Variants in MMACHC observed in about 807,000 individuals in gnomAD.
MMACHC encodes cyanocobalamin reductase / alkylcobalamin dealkylase.
In MMACHC, 14 loss-of-function variants were observed where a neutral mutation model predicts 17.6. The observed-to-expected ratio is 0.80, with a 90% CI of 0.53 to 1.25. The LOEUF (loss-of-function observed/expected upper bound fraction) is 1.25, where lower values mean the gene tolerates loss of function less well. Among genes scored for constraint, MMACHC ranks in the 50% most tolerant of loss-of-function variants. MMACHC has a pLI of 0.00. For synonymous variants in MMACHC, 151 were observed against 142.1 expected (o/e 1.06, Z -0.45); for missense variants, 392 against 364.5 (o/e 1.08, Z -0.62).
In MMACHC at chr1:45,509,396, TCCCA is replaced by T; in HGVS notation, c.*182_*185del. ...AAGATAAAGGCCAGGGAACCAGAAT[TCCCA>T]TCTGCCTTCAAATGAGTTTTTTTTT... On this transcript the variant is annotated 3_prime_UTR_variant, in exon 4 of 4. Transcript: ENST00000401061. The T allele has an allele frequency of 1.6e-6, 1 of 629,250 alleles. No homozygotes were observed. Among genetic ancestry groups the T allele is most frequent in the Non-Finnish European group, 2.6e-6 (1 of 378,760 alleles). The allele number at this position is 629,250 out of a possible 1,614,324, so 39.0% of individuals were successfully genotyped here.
In MMACHC at chr1:45,513,207, T is replaced by TA. The variant is rs2149326676; in HGVS notation, c.*3998dup. ...AACCTCTTCTCTCAATAAAGTTATT[T>TA]AAAAAATGGCATGCTTTATCTCTAG... On this transcript the variant is annotated 3_prime_UTR_variant, in exon 4 of 4. Transcript: ENST00000401061. The TA allele has an allele frequency of 6.6e-6, 1 of 152,308 alleles. No homozygotes were observed. Among genetic ancestry groups the TA allele is most frequent in the East Asian group, 1.9e-4 (1 of 5,180 alleles). The allele number at this position is 152,308 out of a possible 1,614,324, so 9.4% of individuals were successfully genotyped here.
At chr1:45,504,912 G>A (rs921456443) in intron 1 of MMACHC, among the ~76,000 whole-genome samples, 5 of 151,704 alleles carry the variant, frequency 3.3e-5, no homozygotes, top group African/African-American at 1.2e-4. Flanking sequence ...CCAGGTGTTC[G>A]AGACCAGCCT....
In MMACHC at chr1:45,500,377, G is replaced by A. The variant is rs750623781; in HGVS notation, c.45G>A (p.Thr15=). 9 of 1,614,190 alleles carry A rather than the reference G, an allele frequency of 5.6e-6. No homozygotes were observed. The highest frequency in any genetic ancestry group is 2.2e-5 in the South Asian group (2 of 91,088). Residue 15 remains threonine (T), a synonymous_variant, in exon 1 of 4, where the codon ACG becomes ACA. Coordinates refer to ENST00000401061, the MANE Select transcript of MMACHC (RefSeq NM_015506.3). ...AGCTGAAGCAGAAGATCGAGGACAC[G>A]CTATGTCCTTTTGGCTTCGAGGTTT... ...VAELKQKIED[T]LCPFGFEVYP...
chr1:45,505,865 G>C (rs1643612457), intron 1 of MMACHC, among the ~76,000 whole-genome samples: 1 of 149,542 alleles, frequency 6.7e-6, no homozygotes, highest in East Asian at 2.0e-4. Context: ...TCACGCCACT[G>C]CACTCTAACC....
Position 45,508,907 on chromosome 1 carries a change from G to GACT in MMACHC, c.542_544dup (p.Asp181_Cys182insTyr). ...AGATCTGCCACCCAGAAAACCTCAT[G>GACT]ACTGTGTACCTACAAGAGCTGACCG... On this transcript the variant is annotated inframe_insertion, in exon 4 of 4. Transcript: ENST00000401061. 1 of 1,614,194 alleles carries GACT rather than the reference G, an allele frequency of 6.2e-7. No homozygotes were observed. Among genetic ancestry groups the GACT allele is most frequent in the Non-Finnish European group, 8.5e-7 (1 of 1,180,030 alleles).
At chr1:45,506,132 A>G (rs1230833509) in intron 1 of MMACHC, among the ~76,000 whole-genome samples, 2 of 152,148 alleles carry the variant, frequency 1.3e-5, no homozygotes, top group Non-Finnish European at 2.9e-5. Flanking sequence ...GCTGGTTGGG[A>G]AGAGACTGGT....
rs1643713014 is a variant in MMACHC at position 45,510,079 on chromosome 1, A to G, written c.*864A>G. The stretch of plus-strand genomic sequence containing the variant: ...GTGACAGTGTGAGACTCTGTCTCAA[A>G]AAAAAAAAAAAAAGTACCTACCTCA... On this transcript the variant is annotated 3_prime_UTR_variant, in exon 4 of 4. Coordinates refer to ENST00000401061, the MANE Select transcript of MMACHC (RefSeq NM_015506.3). 6.6e-6 allele frequency: 1 copy of G among 150,924 alleles called. No homozygotes were observed. The highest frequency in any genetic ancestry group is 2.4e-5 in the African/African-American group (1 of 41,108). The allele number at this position is 150,924 out of a possible 1,614,324, so 9.3% of individuals were successfully genotyped here. A position where few individuals can be genotyped will look rare whatever the true frequency, so the allele number is the denominator to read the frequency against.
In MMACHC at chr1:45,511,315, A is replaced by T. The variant is rs150550487; in HGVS notation, c.*2100A>T. 6.3e-7 allele frequency: 1 copy of T among 1,597,332 alleles called. No individual in the cohort carries two copies. Among genetic ancestry groups the T allele is most frequent in the East Asian group, 2.3e-5 (1 of 44,334 alleles). On this transcript the variant is annotated 3_prime_UTR_variant, in exon 4 of 4. Coordinates refer to ENST00000401061, the MANE Select transcript of MMACHC (RefSeq NM_015506.3). The stretch of plus-strand genomic sequence containing the variant: ...GGCTGCCCACCGCAGCCTGGCACTA[A>T]AACAGCCCAGCGCTCACTTCTGCTT...
In MMACHC at chr1:45,508,824, G is replaced by A. The variant is rs200276195; in HGVS notation, c.458G>A (p.Arg153Gln). Residue 153 changes from arginine (R) to glutamine (Q), a missense_variant, in exon 4 of 4, where the codon CGA (arginine) becomes CAA (glutamine). Physicochemically the swap from Arg to Gln is conservative, Grantham distance 43. Transcript: ENST00000401061. ...ATATCAGGTGTGTGCATACACCCCC[G>A]ATTTGGGGGCTGGTTTGCCATCCGA... ...QRISGVCIHPRFGGWFAIRGV... is the reference protein window; with the variant it reads ...QRISGVCIHPQFGGWFAIRGV... 124 of 1,614,098 alleles carry A rather than the reference G, an allele frequency of 7.7e-5. 2 individuals carry two copies. The East Asian group carries it at 2.3e-3, about 30-fold the overall frequency.
chr1:45,511,330 C>T lies in MMACHC; in HGVS notation c.*2115C>T. ...CCTGGCACTAAAACAGCCCAGCGCT[C>T]ACTTCTGCTTGGAGAAATATTCTTT... On this transcript the variant is annotated 3_prime_UTR_variant, in exon 4 of 4. Transcript: ENST00000401061. 5 of 1,609,438 alleles carry T rather than the reference C, an allele frequency of 3.1e-6. No homozygotes were observed. The highest frequency in any genetic ancestry group is 4.2e-6 in the Non-Finnish European group (5 of 1,177,616).
chr1:45,505,053 T>C (rs777755195), intron 1 of MMACHC, among the ~76,000 whole-genome samples: 4 of 147,058 alleles, frequency 2.7e-5, no homozygotes, highest in Non-Finnish European at 5.9e-5. Context: ...GAGGCAGAGG[T>C]TGCAGTGAGC....
Position 45,508,361 on chromosome 1 carries a change from C to T in MMACHC, c.426C>T (p.Asn142=). 1.2e-6 allele frequency: 2 copies of T among 1,614,116 alleles called. No individual in the cohort carries two copies. The highest frequency in any genetic ancestry group is 1.1e-5 in the South Asian group (1 of 91,074). Residue 142 remains asparagine, a synonymous_variant, in exon 3 of 4, where the codon AAC becomes AAT. Transcript: ENST00000401061. ...ATGTGGAGGCTGACCCATGGGGGAA[C>T]CAGGTGAGAGGGAAAATGTAAATAG... ...RQDVEADPWG[N]QRISGVCIHP...
Position 45,500,330 on chromosome 1 carries a change from G to T in MMACHC, c.-3G>T. On this transcript the variant is annotated 5_prime_UTR_variant, in exon 1 of 4. Transcript: ENST00000401061. ...CCAGCAAGCTCAGCGTGTAACGTGC[G>T]CTATGGAGCCGAAAGTCGCAGAGCT... 1 of 1,614,048 alleles carries T rather than the reference G, an allele frequency of 6.2e-7. No individual in the cohort carries two copies. The highest frequency in any genetic ancestry group is 1.1e-5 in the South Asian group (1 of 91,070).
rs886083061 is a variant in MMACHC at position 45,510,205 on chromosome 1, A to G, written c.*990A>G. ...TTACCAAAGGCCCTGGGAATTCTGT[A>G]CTGCTGCTCATGGGTGTAGTCGGTT... On this transcript the variant is annotated 3_prime_UTR_variant, in exon 4 of 4. Coordinates refer to ENST00000401061, the MANE Select transcript of MMACHC (RefSeq NM_015506.3). 6.6e-6 allele frequency: 1 copy of G among 152,220 alleles called. No homozygotes were observed. The highest frequency in any genetic ancestry group is 2.1e-4 in the South Asian group (1 of 4,828). The allele number at this position is 152,220 out of a possible 1,614,324, so 9.4% of individuals were successfully genotyped here.
chr1:45,503,095 T>C (rs1643570111), intron 1 of MMACHC, among the ~76,000 whole-genome samples: 1 of 152,166 alleles, frequency 6.6e-6, no homozygotes, highest in Admixed American at 6.6e-5. Context: ...TTCTTAGTGG[T>C]TCTGCCTATT....
intron 1 of MMACHC, among the ~76,000 whole-genome samples, chr1:45,504,815 A>C (rs914425804): frequency 1.3e-5 from 2 of 152,208 alleles, no homozygotes; most frequent in African/African-American, 4.8e-5. Flanking sequence ...TCATTAACTG[A>C]TAAAAATGGT....
chr1:45,507,563 C>A lies in MMACHC; in HGVS notation c.276+13C>A. 6.2e-7 allele frequency: 1 copy of A among 1,613,968 alleles called. No individual in the cohort carries two copies. The highest frequency in any genetic ancestry group is 8.5e-7 in the Non-Finnish European group (1 of 1,179,898). ...CCGTGTTAGAGAGGTGAGGAAGGCT[C>A]AGTTTTCCCCCAGCTCCCAAACCTA... is the stretch of plus-strand genomic sequence containing the variant. On this transcript the variant is annotated intron_variant, in intron 2 of 3. Transcript: ENST00000401061.
chr1:45,508,866 C>T lies in MMACHC; in HGVS notation c.500C>T (p.Pro167Leu), dbSNP rs942114005. Residue 167 changes from proline (P) to leucine (L), a missense_variant, in exon 4 of 4, where the codon CCA (proline) becomes CTA (leucine). Physicochemically the swap from Pro to Leu is moderately conservative, Grantham distance 98. Transcript: ENST00000401061. ...WFAIRGVVLL[P>L]GIEVPDLPPR... ...GCCATCCGAGGGGTAGTGCTGCTGCCAGGGATAGAGGTGCCAGATCTGCCA... is the reference window on the plus strand; with the variant it reads ...GCCATCCGAGGGGTAGTGCTGCTGCTAGGGATAGAGGTGCCAGATCTGCCA... 1 of 1,614,048 alleles carries T rather than the reference C, an allele frequency of 6.2e-7. No individual in the cohort carries two copies. Among genetic ancestry groups the T allele is most frequent in the Non-Finnish European group, 8.5e-7 (1 of 1,180,042 alleles).
rs1468731681 is a variant in MMACHC, at chr1:45,513,327, GAGC to G, written c.*4115_*4117del. On this transcript the variant is annotated 3_prime_UTR_variant, in exon 4 of 4. Coordinates refer to ENST00000401061, the MANE Select transcript of MMACHC (RefSeq NM_015506.3). Reference sequence around the variant, plus strand: ...TCTTTGGGAGTGACTGATTCTAAATGAGCAGGACAGAAGAGAGGAGTATGTATA... The same window carrying G: ...TCTTTGGGAGTGACTGATTCTAAATGAGGACAGAAGAGAGGAGTATGTATA... 6.6e-6 allele frequency: 1 copy of G among 152,210 alleles called. No individual in the cohort carries two copies. Among genetic ancestry groups the G allele is most frequent in the Non-Finnish European group, 1.5e-5 (1 of 68,050 alleles). The allele number at this position is 152,210 out of a possible 1,614,324, so 9.4% of individuals were successfully genotyped here. A position where few individuals can be genotyped will look rare whatever the true frequency, so the allele number is the denominator to read the frequency against.
Sources: allele counts gnomAD v4.1 joint callset (sites outside exome capture counted in the v4.1 genomes callset), GRCh38; gene constraint gnomAD v4.1.1; transcripts MANE v1.5; gene names NCBI Gene and HGNC (gene_info 2026-07-23, HGNC 2026-07-21).